Variants in PRKN observed in about 807,000 individuals in gnomAD.
The protein encoded by PRKN is parkin RBR E3 ubiquitin protein ligase.
Under a neutral mutation model 59.5 loss-of-function variants are expected in PRKN, and 56 were observed. The observed-to-expected ratio is 0.94, with a 90% CI of 0.76 to 1.18. The LOEUF (loss-of-function observed/expected upper bound fraction) is 1.18. Ranked by LOEUF, PRKN falls within the 50% of genes most tolerant of loss-of-function variation. PRKN has a pLI of 0.00. For synonymous variants in PRKN, 250 were observed against 222.1 expected, an observed-to-expected ratio of 1.13 and a Z score of -1.12; for missense variants, 657 against 596.4, an observed-to-expected ratio of 1.10 and a Z score of -1.06.
At chr6:162,040,129 T>C (rs1784005456) in intron 5 of PRKN, among the ~76,000 whole-genome samples, 1 of 152,152 alleles carries the variant, frequency 6.6e-6, no homozygotes. Context: ...AGACTCAAAC[T>C]GCTGGGAGCT....
At chr6:161,876,088 G>T (rs1794721771) in intron 6 of PRKN, among the ~76,000 whole-genome samples, 1 of 151,976 alleles carries the variant, frequency 6.6e-6, no homozygotes, top group Non-Finnish European at 1.5e-5. Flanking sequence ...TAATATTTTT[G>T]TGCTGAAAGA....
At chr6:162,720,438 CTTTTTTTTTTT>C (rs148313968) in intron 1 of PRKN, among the ~76,000 whole-genome samples, 3 of 90,106 alleles carry the variant, frequency 3.3e-5, no homozygotes, top group African/African-American at 4.4e-5. Flanking sequence ...CATAGATGGT[CTTTTTTTTTTT>C]TTTTTTTTTT....
Position 161,580,193 on chromosome 6 carries a change from G to A in PRKN, c.872-10777C>T, listed in dbSNP as rs572199964. 1.3e-4 allele frequency among the ~76,000 whole-genome samples: 20 copies of A among 152,244 alleles called. No homozygotes were observed. The South Asian group carries it at 1.7e-3, about 13-fold the overall frequency. On this transcript the variant is annotated intron_variant, in intron 7 of 11. Coordinates refer to ENST00000366898, the MANE Select transcript of PRKN (RefSeq NM_004562.3). Reference sequence around the variant, plus strand: ...TGCCCAGATCTTTGCATTTTATCACGAGAATTAGTAATTATTCTTTATTTT... The same window carrying A: ...TGCCCAGATCTTTGCATTTTATCACAAGAATTAGTAATTATTCTTTATTTT...
At chr6:161,598,699 A>G (rs751292219) in intron 7 of PRKN, among the ~76,000 whole-genome samples, 5 of 152,244 alleles carry the variant, frequency 3.3e-5, no homozygotes, top group Non-Finnish European at 5.9e-5. Flanking sequence ...GATACAGGAT[A>G]TTTAACAATA....
intron 7 of PRKN, among the ~76,000 whole-genome samples, chr6:161,670,883 A>G (rs1271262961): frequency 1.3e-5 from 2 of 152,048 alleles, no homozygotes; most frequent in African/African-American, 4.8e-5. Flanking sequence ...ATCCAGTATG[A>G]CCTTATCTTA....
chr6:161,782,728 T>C (rs886255663), intron 7 of PRKN, among the ~76,000 whole-genome samples: 2 of 151,868 alleles, frequency 1.3e-5, no homozygotes, highest in African/African-American at 2.4e-5. Context: ...ACCCCATCTC[T>C]ACTAAAAATA....
At chr6:161,906,333 C>A (rs968439724) in intron 6 of PRKN, among the ~76,000 whole-genome samples, 3 of 152,142 alleles carry the variant, frequency 2.0e-5, no homozygotes, top group Admixed American at 2.0e-4. Flanking sequence ...GGAATAGGTA[C>A]AGGAATCCAT....
chr6:162,311,742 G>C (rs531724025), intron 2 of PRKN, among the ~76,000 whole-genome samples: 81 of 152,104 alleles, frequency 5.3e-4, no homozygotes, highest in African/African-American at 1.3e-3. Flanking sequence ...TCAGTGCTTA[G>C]GGTGAGAAAG....
intron 9 of PRKN, among the ~76,000 whole-genome samples, chr6:161,415,592 G>GCCACCC (rs1562432936): frequency 2.8e-4 from 10 of 36,250 alleles, no homozygotes; most frequent in Admixed American, 9.5e-4. Context: ...AGGAAATGTC[G>GCCACCC]CCCCCCCCCC....
At chr6:162,630,452 G>A (rs1011163096) in intron 1 of PRKN, among the ~76,000 whole-genome samples, 5 of 152,166 alleles carry the variant, frequency 3.3e-5, no homozygotes, top group East Asian at 3.9e-4. Flanking sequence ...AGCAGCCATC[G>A]ACATTAACAT....
chr6:161,810,681 T>A (rs184603137), intron 6 of PRKN, among the ~76,000 whole-genome samples: 1 of 152,336 alleles, frequency 6.6e-6, no homozygotes, highest in Admixed American at 6.5e-5. Context: ...ATGCTAAAAA[T>A]GATTATTTGC....
intron 6 of PRKN, among the ~76,000 whole-genome samples, chr6:161,876,645 G>C (rs145848347): frequency 1.7e-3 from 266 of 152,180 alleles, no homozygotes; most frequent in African/African-American, 6.2e-3. Context: ...AAAGTGTGTA[G>C]TGTCATCCAA....
chr6:162,168,339 C>T (rs1049578993), intron 4 of PRKN, among the ~76,000 whole-genome samples: 3 of 151,920 alleles, frequency 2.0e-5, no homozygotes, highest in African/African-American at 2.4e-5. Flanking sequence ...CAAGACAGTG[C>T]ATTGCTTCTT....
chr6:162,139,450 C>A (rs1237951433), intron 4 of PRKN, among the ~76,000 whole-genome samples: 3 of 152,130 alleles, frequency 2.0e-5, no homozygotes, highest in Non-Finnish European at 4.4e-5. Flanking sequence ...AATACAGGCA[C>A]AGGGAAGAGA....
rs572428874 is a variant in PRKN at position 161,601,643 on chromosome 6, C to T, written c.872-32227G>A. Reference sequence around the variant, plus strand: ...TGTAGCCCAGGCTGGAGTGCAGTGGCGCGATCTCGGCTCACTGCAAGCTCC... The same window carrying T: ...TGTAGCCCAGGCTGGAGTGCAGTGGTGCGATCTCGGCTCACTGCAAGCTCC... On this transcript the variant is annotated intron_variant, in intron 7 of 11. Transcript: ENST00000366898. Among the ~76,000 whole-genome samples the T allele has an allele frequency of 3.3e-4, 49 of 149,024 alleles. No individual in the cohort carries two copies. In the South Asian group the frequency reaches 7.8e-3, roughly 24 times the overall value.
At chr6:162,433,159 T>G (rs1583564968) in intron 2 of PRKN, among the ~76,000 whole-genome samples, 1 of 152,336 alleles carries the variant, frequency 6.6e-6, no homozygotes, top group Non-Finnish European at 1.5e-5. Flanking sequence ...ATTCATCAAA[T>G]TAAACTAATA....
chr6:161,568,958 A>G (rs1341524345), intron 8 of PRKN, among the ~76,000 whole-genome samples: 2 of 146,276 alleles, frequency 1.4e-5, no homozygotes, highest in African/African-American at 5.3e-5. Flanking sequence ...CAAACACCCA[A>G]TACAAAAACC....
In PRKN at chr6:162,164,359, C is replaced by A. The variant is rs370346139; in HGVS notation, c.534+36772G>T. ...GAGTAGCTGGGACTACAGGTCTGCG[C>A]TACCATGCCCGGCTAATTTTTTTGT... On this transcript the variant is annotated intron_variant, in intron 4 of 11. Transcript: ENST00000366898. Among the ~76,000 whole-genome samples the A allele has an allele frequency of 2.4e-4, 36 of 148,466 alleles. 4 individuals are homozygous for A. Among genetic ancestry groups the A allele is most frequent in the African/African-American group, 8.4e-4 (33 of 39,296 alleles).
chr6:161,851,534 T>G (rs1318338056), intron 6 of PRKN, among the ~76,000 whole-genome samples: 1 of 151,832 alleles, frequency 6.6e-6, no homozygotes, highest in African/African-American at 2.4e-5. Context: ...CAGGCTGGAA[T>G]GCAGTGGCGT....
Sources: allele counts gnomAD v4.1 joint callset (sites outside exome capture counted in the v4.1 genomes callset), GRCh38; gene constraint gnomAD v4.1.1; transcripts MANE v1.5; gene names NCBI Gene and HGNC (gene_info 2026-07-23, HGNC 2026-07-21).